The following URM1 variants were observed in gnomAD, a reference collection of about 807,000 sequenced individuals.
The protein encoded by URM1 is ubiquitin-related modifier 1.
In URM1, 11 loss-of-function variants were observed where a neutral mutation model predicts 17.7. The ratio of observed to expected loss-of-function variants is 0.62; its 90% CI spans 0.39 to 1.03. URM1 has a LOEUF of 1.03. URM1 is among the 50% of genes least tolerant of loss of function. The pLI, the probability that URM1 is intolerant of heterozygous loss-of-function variation, is 0.00. For synonymous variants in URM1, 48 were observed against 50.6 expected, an observed-to-expected ratio of 0.95 and a Z score of 0.22; for missense variants, 128 against 129.2, an observed-to-expected ratio of 0.99 and a Z score of 0.04.
intron 2 of URM1, among the ~76,000 whole-genome samples, chr9:128,384,466 C>T (rs550910469): frequency 3.3e-5 from 5 of 152,266 alleles, no homozygotes; most frequent in African/African-American, 1.2e-4. Context: ...TCTAGGACCC[C>T]TCACTACTCT....
At chr9:128,373,735 G>T (rs1014442842) in intron 1 of URM1, among the ~76,000 whole-genome samples, 1 of 152,138 alleles carries the variant, frequency 6.6e-6, no homozygotes, top group South Asian at 2.1e-4. Context: ...TCCCAAGTTG[G>T]GGAGGTATTG....
At position 128,389,842 on chromosome 9, in the gene URM1, C is replaced by T. The variant is rs1384673443; in HGVS notation, c.*108C>T. ...CTGTCCCCCTTGCCTGCCTTCTTCC[C>T]TGCTCTGTCCCCTAAGCTCCCTCCA... On this transcript the variant is annotated 3_prime_UTR_variant, in exon 5 of 5. Coordinates refer to ENST00000372853, the MANE Select transcript of URM1 (RefSeq NM_030914.4). The T allele has an allele frequency of 1.4e-6, 2 of 1,457,400 alleles. No individual in the cohort carries two copies. The highest frequency in any genetic ancestry group is 2.4e-5 in the East Asian group (1 of 41,742). 90.3% of individuals were successfully genotyped at this position (1,457,400 alleles called of 1,614,324 possible).
At chr9:128,386,309 A>T (rs1361875861) in intron 2 of URM1, among the ~76,000 whole-genome samples, 1 of 151,986 alleles carries the variant, frequency 6.6e-6, no homozygotes, top group African/African-American at 2.4e-5. Flanking sequence ...CCAAGGGGAA[A>T]CCTCTGAAAC....
rs1453625019 is a variant in URM1, at chr9:128,387,431, G to A, written c.107-385G>A. 1.3e-5 allele frequency among the ~76,000 whole-genome samples: 2 copies of A among 152,314 alleles called. No homozygotes were observed. The highest frequency in any genetic ancestry group is 1.9e-4 in the East Asian group (1 of 5,184). On this transcript the variant is annotated intron_variant, in intron 2 of 4. Coordinates refer to ENST00000372853, the MANE Select transcript of URM1 (RefSeq NM_030914.4). This position sits in a 1 kb window ranked among gnomAD's most constrained non-coding sequence, Gnocchi z 4.3. ...GATAAAGGTGGAGGGGGCTCTTCAAGGTCCTCTCAGAAGTCCAGCCATGGC... is the reference window on the plus strand; with the variant it reads ...GATAAAGGTGGAGGGGGCTCTTCAAAGTCCTCTCAGAAGTCCAGCCATGGC...
At chr9:128,381,062 G>C (rs556605403) in intron 2 of URM1, among the ~76,000 whole-genome samples, 3 of 152,094 alleles carry the variant, frequency 2.0e-5, no homozygotes, top group Non-Finnish European at 4.4e-5. Context: ...CTGACCTGGT[G>C]ATCCGCCCGC....
chr9:128,380,344 G>A (rs918784764), intron 2 of URM1, among the ~76,000 whole-genome samples: 20 of 152,136 alleles, frequency 1.3e-4, no homozygotes, highest in African/African-American at 4.8e-4. Context: ...GACACTTACT[G>A]AGGAGCAGGT....
intron 2 of URM1, among the ~76,000 whole-genome samples, chr9:128,378,947 C>CAAA (rs397976946): frequency 0.022 from 1,879 of 86,784 alleles, 27 homozygotes; most frequent in South Asian, 0.062. Context: ...ATTCTGTCAC[C>CAAA]AAAAAAAAAA....
At chr9:128,382,174 G>A (rs1468055685) in intron 2 of URM1, among the ~76,000 whole-genome samples, 1 of 152,086 alleles carries the variant, frequency 6.6e-6, no homozygotes, top group East Asian at 1.9e-4. Context: ...GGCCCACTTA[G>A]TCTTTGGCTC....
At chr9:128,384,644 G>A (rs995416126) in intron 2 of URM1, among the ~76,000 whole-genome samples, 12 of 152,160 alleles carry the variant, frequency 7.9e-5, no homozygotes, top group Admixed American at 6.5e-5. Context: ...AGAGCGCGAG[G>A]GGTATAGGTT....
chr9:128,377,103 C>T (rs1325932146), intron 1 of URM1, among the ~76,000 whole-genome samples: 2 of 152,192 alleles, frequency 1.3e-5, no homozygotes, highest in Non-Finnish European at 2.9e-5. Flanking sequence ...AACTCCTGGC[C>T]TCAAGCAGTC....
chr9:128,376,674 T>G (rs936551424), intron 1 of URM1, among the ~76,000 whole-genome samples: 1 of 144,766 alleles, frequency 6.9e-6, no homozygotes, highest in African/African-American at 2.8e-5. Flanking sequence ...AAATAAATTT[T>G]TTTAAAAAGT....
intron 2 of URM1, among the ~76,000 whole-genome samples, chr9:128,378,529 C>T (rs1833110523): frequency 1.2e-5 from 1 of 85,196 alleles, no homozygotes; most frequent in Non-Finnish European, 2.1e-5. Flanking sequence ...GGCGACAAAG[C>T]AAGACTCCAT....
In URM1 at chr9:128,389,313, A is replaced by C. The variant is rs751217860; in HGVS notation, c.237+4A>C. On this transcript the variant is annotated splice_donor_region_variant and intron_variant, in intron 4 of 4. Transcript: ENST00000372853. Reference sequence around the variant, plus strand: ...CGATGCCGACTGGGAGCTACTGGTCAGTACCTTGGGGGACATCCCTCCCCC... The same window carrying C: ...CGATGCCGACTGGGAGCTACTGGTCCGTACCTTGGGGGACATCCCTCCCCC... The C allele has an allele frequency of 7.4e-6, 12 of 1,613,684 alleles. No homozygotes were observed. Among genetic ancestry groups the C allele is most frequent in the Non-Finnish European group, 9.3e-6 (11 of 1,179,864 alleles).
Position 128,389,985 on chromosome 9 carries a change from T to C in URM1, c.*251T>C, listed in dbSNP as rs948101545. On this transcript the variant is annotated 3_prime_UTR_variant, in exon 5 of 5. Transcript: ENST00000372853. ...TTCCAGCAGCTGTGGTGGGGGAGGG[T>C]TCCCCTCCAGTTTGTCAAGAGTTGA... is the stretch of plus-strand genomic sequence containing the variant. 1.4e-5 allele frequency: 8 copies of C among 557,034 alleles called. No homozygotes were observed. The highest frequency in any genetic ancestry group is 2.5e-5 in the Non-Finnish European group (8 of 318,376). 34.5% of individuals were successfully genotyped at this position (557,034 alleles called of 1,614,324 possible). A position where few individuals can be genotyped will look rare whatever the true frequency, so the allele number is the denominator to read the frequency against.
chr9:128,378,396 GCA>G (rs1451341190), intron 2 of URM1, among the ~76,000 whole-genome samples: 3 of 151,578 alleles, frequency 2.0e-5, no homozygotes, highest in Admixed American at 6.6e-5. Context: ...AATTAGCTGG[GCA>G]TGGTGGCGCG....
chr9:128,380,601 G>C (rs957993667), intron 2 of URM1, among the ~76,000 whole-genome samples: 1 of 151,158 alleles, frequency 6.6e-6, no homozygotes, highest in Non-Finnish European at 1.5e-5. Context: ...GAGTTTGTCT[G>C]ACATGAAAAC....
At chr9:128,388,572 C>T (rs1297561778) in intron 3 of URM1, 4 of 986,176 alleles carry the variant, frequency 4.1e-6, no homozygotes, top group Non-Finnish European at 4.8e-6. Context: ...GGGATCAGGC[C>T]TAGGGGATCA....
intron 2 of URM1, among the ~76,000 whole-genome samples, chr9:128,385,586 A>C (rs1257172154): frequency 6.6e-6 from 1 of 152,076 alleles, no homozygotes; most frequent in Non-Finnish European, 1.5e-5. Context: ...ATCCATCCCC[A>C]AGCCACCAGC....
intron 1 of URM1, among the ~76,000 whole-genome samples, chr9:128,376,108 C>T (rs149787077): frequency 6.6e-6 from 1 of 151,720 alleles, no homozygotes; most frequent in Non-Finnish European, 1.5e-5. Flanking sequence ...CATGATGACT[C>T]ACAACTCTAA....
Sources: allele counts gnomAD v4.1 joint callset (sites outside exome capture counted in the v4.1 genomes callset), GRCh38; gene constraint gnomAD v4.1.1; non-coding constraint Gnocchi (gnomAD v3.1); transcripts MANE v1.5; gene names NCBI Gene and HGNC (gene_info 2026-07-23, HGNC 2026-07-21).